Variants in C16orf74 observed in about 807,000 individuals in gnomAD.
C16orf74 encodes uncharacterized protein C16orf74.
In C16orf74, 10 loss-of-function variants were observed where a neutral mutation model predicts 6.5. The observed-to-expected ratio is 1.54, with a 90% CI of 0.95 to 2.61. The LOEUF is 2.61. C16orf74 is among the 30% of genes most tolerant of loss of function. The pLI, the probability that C16orf74 is intolerant of heterozygous loss-of-function variation, is 0.00. For missense variants in C16orf74, 141 were observed against 105.9 expected (o/e 1.33, Z -1.45); for synonymous variants, 60 against 42.5 (o/e 1.41, Z -1.60).
chr16:85,707,955 C>T lies in C16orf74; in HGVS notation c.*53G>A, dbSNP rs2053929328. On this transcript the variant is annotated 3_prime_UTR_variant, in exon 4 of 4. Coordinates refer to ENST00000284245, the MANE Select transcript of C16orf74 (RefSeq NM_206967.3). ...TCCAGGCAGCCACGCCCCCGGACACCTGAAGCCGGGCCGCTGGAGCAGGAG... is the reference window on the plus strand; with the variant it reads ...TCCAGGCAGCCACGCCCCCGGACACTTGAAGCCGGGCCGCTGGAGCAGGAG... 1 of 1,511,544 alleles carries T rather than the reference C, an allele frequency of 6.6e-7. No homozygotes were observed. The highest frequency in any genetic ancestry group is 1.4e-5 in the African/African-American group (1 of 72,476). 93.6% of individuals were successfully genotyped at this position (1,511,544 alleles called of 1,614,324 possible). A position where few individuals can be genotyped will look rare whatever the true frequency, so the allele number is the denominator to read the frequency against.
At chr16:85,726,372 C>G (rs986391393) in intron 2 of C16orf74, among the ~76,000 whole-genome samples, 1 of 152,198 alleles carries the variant, frequency 6.6e-6, no homozygotes, top group Non-Finnish European at 1.5e-5. Flanking sequence ...CCTCTGGGCT[C>G]TGTCCCGCAC....
intron 3 of C16orf74, 113 bp from the exon 4 acceptor site, chr16:85,708,179 T>C: frequency 1.1e-6 from 1 of 878,380 alleles, no homozygotes; most frequent in Non-Finnish European, 1.8e-6. Flanking sequence ...TTTCTGGTGC[T>C]GCCAGAGGCT....
chr16:85,736,473 C>T (rs1257662789), intron 1 of C16orf74, among the ~76,000 whole-genome samples: 1 of 152,022 alleles, frequency 6.6e-6, no homozygotes, highest in African/African-American at 2.4e-5. Flanking sequence ...GATGGCAGGC[C>T]AGGAAGGGTT....
chr16:85,710,538 G>A (rs1288000403), intron 2 of C16orf74: 1 of 493,630 alleles, frequency 2.0e-6, no homozygotes, highest in Non-Finnish European at 3.5e-6. Flanking sequence ...ACAGATTTTG[G>A]GAAATGCTGA....
intron 1 of C16orf74, among the ~76,000 whole-genome samples, chr16:85,746,596 AACAAAG>A (rs1246580790): frequency 6.6e-6 from 1 of 152,110 alleles, no homozygotes; most frequent in African/African-American, 2.4e-5. Flanking sequence ...CTGCTTGCCT[AACAAAG>A]ACCTCCTGGG....
intron 1 of C16orf74, among the ~76,000 whole-genome samples, chr16:85,747,490 C>T (rs1013726226): frequency 3.9e-5 from 6 of 151,908 alleles, no homozygotes; most frequent in Non-Finnish European, 8.8e-5. Flanking sequence ...GTCAGGTTAA[C>T]GGCTACCCAT....
At chr16:85,737,661 C>T (rs750748031) in intron 1 of C16orf74, among the ~76,000 whole-genome samples, 2 of 152,296 alleles carry the variant, frequency 1.3e-5, no homozygotes, top group Admixed American at 6.5e-5. Context: ...GAAACCCCAT[C>T]GCTACTAAAA....
intron 1 of C16orf74, among the ~76,000 whole-genome samples, chr16:85,737,940 A>C (rs998173717): frequency 6.6e-6 from 1 of 150,548 alleles, no homozygotes; most frequent in African/African-American, 2.4e-5. Flanking sequence ...TTTTCTTAAA[A>C]CATTATGAAT....
chr16:85,747,417 A>T (rs185402313), intron 1 of C16orf74, among the ~76,000 whole-genome samples: 149 of 152,098 alleles, frequency 9.8e-4, no homozygotes, highest in African/African-American at 3.4e-3. Flanking sequence ...ATGCCACTGC[A>T]CTCCAGCCTG....
At chr16:85,745,546 C>T (rs2054364027) in intron 1 of C16orf74, among the ~76,000 whole-genome samples, 1 of 152,204 alleles carries the variant, frequency 6.6e-6, no homozygotes, top group Admixed American at 6.6e-5. Flanking sequence ...GACAGAAACT[C>T]CTGCTGGCTG....
intron 2 of C16orf74, among the ~76,000 whole-genome samples, chr16:85,716,132 C>T (rs1056978198): frequency 6.6e-6 from 1 of 152,094 alleles, no homozygotes. Context: ...ATAAAACACC[C>T]CACGTTTGCA....
intron 1 of C16orf74, chr16:85,744,202 G>A (rs1335243321): frequency 4.5e-5 from 3 of 66,384 alleles, no homozygotes; most frequent in Non-Finnish European, 8.7e-5. Flanking sequence ...TCCAGCCTGG[G>A]CAACAAGAGC....
rs377104827 is a variant in C16orf74 at position 85,737,407 on chromosome 16, T to C, written c.-18-2172A>G. On this transcript the variant is annotated intron_variant, in intron 1 of 3. Coordinates refer to ENST00000284245, the MANE Select transcript of C16orf74 (RefSeq NM_206967.3). Reference sequence around the variant, plus strand: ...CACATCACCCAGGAGCTTTACAAAATACCTTTTCTTCCGGATTAGGTAACT... The same window carrying C: ...CACATCACCCAGGAGCTTTACAAAACACCTTTTCTTCCGGATTAGGTAACT... 8.5e-5 allele frequency among the ~76,000 whole-genome samples: 13 copies of C among 152,238 alleles called. No homozygotes were observed. The South Asian group carries it at 2.7e-3, about 32-fold the overall frequency.
rs28610101 is a variant in C16orf74, at chr16:85,721,445, C to A, written c.29-11138G>T. Among the ~76,000 whole-genome samples, 312 of 152,312 alleles carry A rather than the reference C, an allele frequency of 2.0e-3. 4 individuals carry two copies. In the East Asian group the frequency reaches 0.043, roughly 21 times the overall value. On this transcript the variant is annotated intron_variant, in intron 2 of 3. Transcript: ENST00000284245. ...GACATTGCCAACTGTCCCTGGAGGG[C>A]AGGGTCACCAGGTAAAATGCGGGCC...
chr16:85,750,369 C>T (rs939793302), intron 1 of C16orf74, among the ~76,000 whole-genome samples: 2 of 151,792 alleles, frequency 1.3e-5, no homozygotes, highest in Non-Finnish European at 2.9e-5. Context: ...CCTAGTTCCG[C>T]TCGAGCGCAG....
intron 2 of C16orf74, among the ~76,000 whole-genome samples, chr16:85,720,929 A>T (rs1051489530): frequency 2.0e-5 from 3 of 151,776 alleles, no homozygotes; most frequent in Admixed American, 6.6e-5. Context: ...CTCTACTAAA[A>T]ATACAAAAAG....
chr16:85,708,037 C>G lies in C16orf74; in HGVS notation c.202G>C (p.Asp68His). ...VWLDETGSCP[D>H]DGEIDPEA Reference sequence around the variant, plus strand: ...GCTTCTGGGTCGATTTCTCCATCATCTGGGCACGACCCTGTCTCATCCAGC... The same window carrying G: ...GCTTCTGGGTCGATTTCTCCATCATGTGGGCACGACCCTGTCTCATCCAGC... Residue 68 changes from aspartate (D) to histidine (H), a missense_variant, in exon 4 of 4, where the codon GAT becomes CAT. Transcript: ENST00000284245. 6.4e-7 allele frequency: 1 copy of G among 1,553,472 alleles called. No individual in the cohort carries two copies. The highest frequency in any genetic ancestry group is 8.7e-7 in the Non-Finnish European group (1 of 1,147,892).
intron 1 of C16orf74, among the ~76,000 whole-genome samples, chr16:85,738,458 G>A (rs1291735533): frequency 6.6e-6 from 1 of 151,180 alleles, no homozygotes; most frequent in Admixed American, 6.6e-5. Context: ...CCGAGTAGCT[G>A]GGACTACAGG....
At chr16:85,748,623 G>C (rs2054400638) in intron 1 of C16orf74, among the ~76,000 whole-genome samples, 3 of 152,072 alleles carry the variant, frequency 2.0e-5, no homozygotes. Context: ...AAACCCAAAA[G>C]AGTTATTATC....
Sources: gnomAD v4.1 joint callset for allele counts (sites outside exome capture counted in the v4.1 genomes callset) on GRCh38, gnomAD v4.1.1 for gene constraint, MANE v1.5 for transcripts, NCBI Gene and HGNC (gene_info 2026-07-23, HGNC 2026-07-21) for gene names.